The following RTL4 variants were observed in gnomAD, a reference collection of about 807,000 sequenced individuals.
RTL4 encodes retrotransposon Gag-like protein 4.
A neutral mutation model predicts 5.3 loss-of-function variants in RTL4; 4 were observed. That is an observed-to-expected ratio of 0.75 (90% CI 0.37 to 1.72). The LOEUF (loss-of-function observed/expected upper bound fraction) is 1.72. Ranked by LOEUF, RTL4 falls within the 40% of genes most tolerant of loss-of-function variation. RTL4 has a pLI of 0.04. For synonymous variants in RTL4, 98 were observed against 87.3 expected (o/e 1.12, Z -0.68); for missense variants, 260 against 227.1 (o/e 1.14, Z -0.93).
the RTL4 span, chrX:112,382,024 G>A: frequency 5.8e-6 from 7 of 1,208,822 alleles, no homozygotes; most frequent in Non-Finnish European, 7.8e-6. Flanking sequence ...AGCTAATTGA[G>A]CAAGCCCAGA....
At chrX:112,384,580 G>C in the RTL4 span, among the ~76,000 whole-genome samples, 1 of 111,436 alleles carries the variant, frequency 9.0e-6, no homozygotes, top group African/African-American at 3.3e-5. Flanking sequence ...ATCTGTTTTG[G>C]TGCCAGTACA....
chrX:112,327,802 A>G, the RTL4 span, among the ~76,000 whole-genome samples: 5 of 111,711 alleles, frequency 4.5e-5, no homozygotes, highest in African/African-American at 1.6e-4. Flanking sequence ...ACTAACAGCA[A>G]ATCTCTTGGC....
chrX:112,309,091 A>G, the RTL4 span, among the ~76,000 whole-genome samples: 3 of 111,858 alleles, frequency 2.7e-5, no homozygotes, highest in Admixed American at 9.6e-5. Flanking sequence ...TGAAGCAAGC[A>G]CTGATATTAG....
At chrX:112,121,120 A>G in the RTL4 span, among the ~76,000 whole-genome samples, 1 of 112,049 alleles carries the variant, frequency 8.9e-6, no homozygotes, top group Non-Finnish European at 1.9e-5. Context: ...AAACCTGCAC[A>G]TGTACCCCTG....
the RTL4 span, among the ~76,000 whole-genome samples, chrX:112,169,014 TTCTTTC>T: frequency 2.1e-5 from 2 of 94,783 alleles, no homozygotes; most frequent in African/African-American, 4.0e-5. Flanking sequence ...CTTTCTTTCT[TTCTTTC>T]TCTTTCTCTT....
the RTL4 span, among the ~76,000 whole-genome samples, chrX:112,362,775 C>T: frequency 5.6e-4 from 62 of 111,079 alleles, no homozygotes; most frequent in African/African-American, 1.8e-3. Context: ...TCCTTACCCA[C>T]GTCTAGGGTA....
the RTL4 span, among the ~76,000 whole-genome samples, chrX:112,122,846 A>T: frequency 1.8e-5 from 2 of 111,404 alleles, no homozygotes; most frequent in East Asian, 5.6e-4. Context: ...ATGACACCTT[A>T]TTTTCTAGAA....
the RTL4 span, among the ~76,000 whole-genome samples, chrX:112,272,266 T>C: frequency 8.9e-6 from 1 of 112,204 alleles, no homozygotes; most frequent in Non-Finnish European, 1.9e-5. Context: ...TAAATAGTTA[T>C]TTTAGTAGGC....
At chrX:112,364,329 A>G in the RTL4 span, among the ~76,000 whole-genome samples, 1 of 111,663 alleles carries the variant, frequency 9.0e-6, no homozygotes, top group African/African-American at 3.2e-5. Flanking sequence ...GAACCCATTC[A>G]TAAACATGAA....
chrX:112,420,169 G>A, the RTL4 span, among the ~76,000 whole-genome samples: 1 of 111,425 alleles, frequency 9.0e-6, no homozygotes, highest in Admixed American at 9.6e-5. Flanking sequence ...AATGACTGTG[G>A]AATAGGTAGG....
the RTL4 span, among the ~76,000 whole-genome samples, chrX:112,199,900 G>A: frequency 8.9e-5 from 10 of 112,237 alleles, no homozygotes; most frequent in Non-Finnish European, 1.5e-4. Context: ...GACTAGTAAT[G>A]GTAGTAGTCA....
At chrX:112,189,558 T>C in the RTL4 span, among the ~76,000 whole-genome samples, 1 of 110,283 alleles carries the variant, frequency 9.1e-6, no homozygotes, top group Admixed American at 9.7e-5. Flanking sequence ...AGGTCAGGAG[T>C]TCGACACCAG....
chrX:112,334,988 T>C, the RTL4 span, among the ~76,000 whole-genome samples: 1 of 112,186 alleles, frequency 8.9e-6, no homozygotes, highest in African/African-American at 3.2e-5. Context: ...ATTTTAGAGT[T>C]GAAGTTTTGC....
chrX:112,182,432 C>T, the RTL4 span, among the ~76,000 whole-genome samples: 1 of 111,436 alleles, frequency 9.0e-6, no homozygotes, highest in Non-Finnish European at 1.9e-5. Flanking sequence ...AAGCTAAGAA[C>T]CTTGAAAAAA....
the RTL4 span, among the ~76,000 whole-genome samples, chrX:112,421,648 G>A: frequency 8.9e-6 from 1 of 111,977 alleles, no homozygotes; most frequent in Non-Finnish European, 1.9e-5. Context: ...AACCTAACTA[G>A]CCTCCACAGT....
chrX:112,419,337 C>CTT, the RTL4 span, among the ~76,000 whole-genome samples: 16 of 24,392 alleles, frequency 6.6e-4, 5 homozygotes, highest in Admixed American at 9.1e-4. Flanking sequence ...TTCCATTCAG[C>CTT]TTTTTTTTTT....
chrX:112,435,653 A>G, the RTL4 span, among the ~76,000 whole-genome samples: 1,398 of 112,059 alleles, frequency 0.012, 13 homozygotes, highest in South Asian at 0.026. Flanking sequence ...AAAGTTCAGA[A>G]GGTAAAGCTC....
the RTL4 span, among the ~76,000 whole-genome samples, chrX:112,283,462 A>G: frequency 9.0e-6 from 1 of 111,730 alleles, no homozygotes; most frequent in East Asian, 2.8e-4. Flanking sequence ...AAGAGTATAA[A>G]TCATTTTAAG....
the RTL4 span, among the ~76,000 whole-genome samples, chrX:112,335,471 G>T: frequency 9.0e-6 from 1 of 111,280 alleles, no homozygotes; most frequent in Admixed American, 9.6e-5. Flanking sequence ...TTTTCTTAAA[G>T]TTTGTTTTGC....
Sources: allele counts gnomAD v4.1 joint callset (sites outside exome capture counted in the v4.1 genomes callset), GRCh38; gene constraint gnomAD v4.1.1; transcripts MANE v1.5; gene names NCBI Gene and HGNC (gene_info 2026-07-23, HGNC 2026-07-21).